CSNK1G1: variants seen among roughly 807,000 people sequenced by gnomAD.
The protein encoded by CSNK1G1 is casein kinase I isoform gamma-1.
Under a neutral mutation model 59.6 loss-of-function variants are expected in CSNK1G1, and 22 were observed. The observed-to-expected ratio is 0.37, with a 90% CI of 0.26 to 0.53. The LOEUF (loss-of-function observed/expected upper bound fraction) is 0.53, where lower values mean the gene tolerates loss of function less well. Among genes scored for constraint, CSNK1G1 ranks in the 20% least tolerant of loss-of-function variants. The pLI is 0.89. For synonymous variants in CSNK1G1, 179 were observed against 177.1 expected (o/e 1.01, Z -0.08); for missense variants, 384 against 519.5 (o/e 0.74, Z 2.54).
At chr15:64,303,202 C>T (rs900118260) in intron 1 of CSNK1G1, among the ~76,000 whole-genome samples, 2 of 144,928 alleles carry the variant, frequency 1.4e-5, no homozygotes, top group African/African-American at 5.2e-5. Flanking sequence ...TAAATAGCCA[C>T]TGAACTCTAG....
At chr15:64,338,498 G>C (rs750890226) in intron 1 of CSNK1G1, among the ~76,000 whole-genome samples, 6 of 151,828 alleles carry the variant, frequency 4.0e-5, no homozygotes, top group Non-Finnish European at 5.9e-5. Context: ...TCAGGAGTTC[G>C]AGACTAGCCT....
At chr15:64,272,383 T>G (rs1017887165) in intron 2 of CSNK1G1, among the ~76,000 whole-genome samples, 1 of 151,942 alleles carries the variant, frequency 6.6e-6, no homozygotes, top group Non-Finnish European at 1.5e-5. Context: ...GCCTGGCTAA[T>G]TTTTTTGTAT....
chr15:64,264,142 C>T (rs1331444301), intron 2 of CSNK1G1, among the ~76,000 whole-genome samples: 1 of 152,100 alleles, frequency 6.6e-6, no homozygotes, highest in Non-Finnish European at 1.5e-5. Flanking sequence ...TATAGATAAT[C>T]CTAAATGCAA....
chr15:64,327,237 A>T (rs553705178), intron 1 of CSNK1G1, among the ~76,000 whole-genome samples: 269 of 152,210 alleles, frequency 1.8e-3, no homozygotes, highest in Non-Finnish European at 1.9e-3. Context: ...AGACAAACAA[A>T]AAGACAGCAG....
At position 64,171,570 on chromosome 15, in the gene CSNK1G1, T is replaced by C. The variant is rs925587741; in HGVS notation, c.*361A>G. ...GTTTTATGCTGGAGAGGGTTGAGGG[T>C]GGGGTAAAAACCAGGAGTAAACTAA... On this transcript the variant is annotated 3_prime_UTR_variant, in exon 12 of 12. Transcript: ENST00000303052. The surrounding 1 kb of genome is among the most constrained non-coding windows in gnomAD (Gnocchi z 4.8). 17 of 250,976 alleles carry C rather than the reference T, an allele frequency of 6.8e-5. No homozygotes were observed. The highest frequency in any genetic ancestry group is 3.6e-4 in the African/African-American group (16 of 44,760). The allele number at this position is 250,976 out of a possible 1,614,324, so 15.5% of individuals were successfully genotyped here.
intron 1 of CSNK1G1, among the ~76,000 whole-genome samples, chr15:64,347,808 C>T (rs1049585371): frequency 6.6e-6 from 1 of 151,668 alleles, no homozygotes; most frequent in Non-Finnish European, 1.5e-5. Context: ...GAGATCGAGA[C>T]CATCTTGGCC....
chr15:64,327,911 A>G (rs373793362), intron 1 of CSNK1G1, among the ~76,000 whole-genome samples: 1,130 of 37,546 alleles, frequency 0.03, 24 homozygotes, highest in South Asian at 0.062. Flanking sequence ...ATCAACTGGA[A>G]GAAAGGGTAT....
chr15:64,201,664 T>C (rs896504746), intron 10 of CSNK1G1, among the ~76,000 whole-genome samples: 1 of 151,518 alleles, frequency 6.6e-6, no homozygotes, highest in Admixed American at 6.6e-5. Context: ...GAGTATATAC[T>C]TACTGGTGAG....
At chr15:64,317,413 A>G (rs1380416961) in intron 1 of CSNK1G1, among the ~76,000 whole-genome samples, 1 of 150,762 alleles carries the variant, frequency 6.6e-6, no homozygotes, top group African/African-American at 2.5e-5. Flanking sequence ...GAATTTTTGT[A>G]GAGTCTTTAT....
chr15:64,311,677 GAAAAA>G (rs11371950), intron 1 of CSNK1G1, among the ~76,000 whole-genome samples: 8 of 108,142 alleles, frequency 7.4e-5, no homozygotes, highest in Admixed American at 1.1e-4. Context: ...TAAAAAAAGT[GAAAAA>G]AAAAAAAAAA....
chr15:64,276,589 G>A (rs190157392), intron 2 of CSNK1G1, among the ~76,000 whole-genome samples: 24 of 152,058 alleles, frequency 1.6e-4, no homozygotes, highest in East Asian at 5.8e-4. Context: ...AAAGAGTGAC[G>A]TACCAATGAG....
At chr15:64,272,473 T>C (rs1893371617) in intron 2 of CSNK1G1, among the ~76,000 whole-genome samples, 1 of 152,220 alleles carries the variant, frequency 6.6e-6, no homozygotes, top group African/African-American at 2.4e-5. Flanking sequence ...CACCTCGGCC[T>C]CCCAAAGTGC....
intron 1 of CSNK1G1, among the ~76,000 whole-genome samples, chr15:64,334,775 G>A (rs1186119040): frequency 6.6e-6 from 1 of 152,028 alleles, no homozygotes; most frequent in Non-Finnish European, 1.5e-5. Context: ...GAAGCTTCAC[G>A]CACTCACCTG....
At chr15:64,310,609 T>C (rs1478983995) in intron 1 of CSNK1G1, among the ~76,000 whole-genome samples, 1 of 151,212 alleles carries the variant, frequency 6.6e-6, no homozygotes, top group African/African-American at 2.4e-5. Flanking sequence ...CCCAGCTACT[T>C]GGGAGGCTGA....
chr15:64,245,941 T>A (rs1483979580), intron 4 of CSNK1G1, among the ~76,000 whole-genome samples: 1 of 152,102 alleles, frequency 6.6e-6, no homozygotes, highest in East Asian at 1.9e-4. Context: ...AGGCTGGGAA[T>A]GGTTGGGTGT....
rs559975199 is a variant in CSNK1G1, at chr15:64,326,605, T to C, written c.-224-25882A>G. Among the ~76,000 whole-genome samples the C allele has an allele frequency of 1.1e-4, 17 of 151,516 alleles. No individual in the cohort carries two copies. In the East Asian group the frequency reaches 2.2e-3, roughly 19 times the overall value. On this transcript the variant is annotated intron_variant, in intron 1 of 11. Coordinates refer to ENST00000303052, the MANE Select transcript of CSNK1G1 (RefSeq NM_022048.5). ...GTTGCAGGGAGCTGAGATCACGCCA[T>C]TGCACTCCAGCCTGGGTGACAGAGC...
chr15:64,312,240 T>C (rs923513163), intron 1 of CSNK1G1, among the ~76,000 whole-genome samples: 16 of 152,238 alleles, frequency 1.1e-4, no homozygotes, highest in Admixed American at 2.6e-4. Context: ...CTTCACAGAA[T>C]TGGAAAAAAC....
chr15:64,232,730 TAAAC>T (rs2082564795), intron 4 of CSNK1G1, among the ~76,000 whole-genome samples: 1 of 152,108 alleles, frequency 6.6e-6, no homozygotes, highest in Non-Finnish European at 1.5e-5. Flanking sequence ...TTGACCTCCT[TAAAC>T]AAGCATTCTC....
chr15:64,278,434 T>TC lies in CSNK1G1; in HGVS notation c.182-19194_182-19193insG, dbSNP rs1383662107. On this transcript the variant is annotated intron_variant, in intron 2 of 11. Coordinates refer to ENST00000303052, the MANE Select transcript of CSNK1G1 (RefSeq NM_022048.5). ...TGTGTGTGTGTATATATATATATAT[T>TC]TTTTTTTTTTTGGACACAGAGTCTC... Among the ~76,000 whole-genome samples the TC allele has an allele frequency of 1.7e-3, 221 of 130,154 alleles. 2 individuals carry two copies. The highest frequency in any genetic ancestry group is 5.9e-3 in the African/African-American group (216 of 36,444). 85.4% of individuals were successfully genotyped at this position (130,154 alleles called of 152,430 possible). A position where few individuals can be genotyped will look rare whatever the true frequency, so the allele number is the denominator to read the frequency against.
Sources: allele counts gnomAD v4.1 joint callset (sites outside exome capture counted in the v4.1 genomes callset), GRCh38; gene constraint gnomAD v4.1.1; non-coding constraint Gnocchi (gnomAD v3.1); transcripts MANE v1.5; gene names NCBI Gene and HGNC (gene_info 2026-07-23, HGNC 2026-07-21).